The following RETREG1 variants were observed in gnomAD, a reference collection of about 807,000 sequenced individuals.
RETREG1 encodes the protein family with sequence similarity 134 member B.
RETREG1 carries 44 observed loss-of-function variants against 54.8 expected under a neutral mutation model. That is an observed-to-expected ratio of 0.80 (90% CI 0.63 to 1.03). The LOEUF is 1.03. RETREG1 is among the 50% of genes least tolerant of loss of function. The probability of loss-of-function intolerance (pLI) is 0.00; values close to 1 mark genes in which losing one functional copy is unlikely to be tolerated. For synonymous variants in RETREG1, 217 were observed against 238.5 expected, an observed-to-expected ratio of 0.91 and a Z score of 0.83; for missense variants, 554 against 605.1, an observed-to-expected ratio of 0.92 and a Z score of 0.89.
At chr5:16,596,511 C>T (rs142882927) in intron 1 of RETREG1, among the ~76,000 whole-genome samples, 300 of 152,336 alleles carry the variant, frequency 2.0e-3, no homozygotes, top group Middle Eastern at 3.4e-3. Context: ...GCAGTAGTGA[C>T]GCTCTCAACT....
At chr5:16,519,700 C>T (rs4613706) in intron 3 of RETREG1, among the ~76,000 whole-genome samples, 89,205 of 151,998 alleles carry the variant, frequency 0.59, 26,438 homozygotes, top group Non-Finnish European at 0.62. Flanking sequence ...GGAAGTATCA[C>T]TGTAGTCACC....
chr5:16,547,859 A>G (rs966189414), intron 3 of RETREG1, among the ~76,000 whole-genome samples: 1 of 152,206 alleles, frequency 6.6e-6, no homozygotes, highest in African/African-American at 2.4e-5. Context: ...TATTGAGTAC[A>G]TTCTTTGAAA....
chr5:16,511,962 A>G (rs1410245836), intron 3 of RETREG1, among the ~76,000 whole-genome samples: 2 of 152,196 alleles, frequency 1.3e-5, no homozygotes, highest in East Asian at 3.9e-4. Context: ...TATGAGATTT[A>G]GTGGGGACAC....
At chr5:16,557,247 A>C (rs1178749601) in intron 3 of RETREG1, among the ~76,000 whole-genome samples, 1 of 152,128 alleles carries the variant, frequency 6.6e-6, no homozygotes, top group African/African-American at 2.4e-5. Context: ...AGTTAGATGG[A>C]CTCTTGAGAG....
chr5:16,530,624 G>C (rs1280146598), intron 3 of RETREG1, among the ~76,000 whole-genome samples: 1 of 152,174 alleles, frequency 6.6e-6, no homozygotes, highest in Non-Finnish European at 1.5e-5. Flanking sequence ...TGTAATCCCA[G>C]CACTTTGGGA....
intron 2 of RETREG1, among the ~76,000 whole-genome samples, chr5:16,568,018 A>G (rs1742065850): frequency 6.6e-6 from 1 of 152,124 alleles, no homozygotes; most frequent in South Asian, 2.1e-4. Flanking sequence ...GACTGGTTCT[A>G]TCTCAATGAG....
Position 16,475,003 on chromosome 5 carries a change from T to C in RETREG1, c.1232A>G (p.Asn411Ser). 3 of 1,613,608 alleles carry C rather than the reference T, an allele frequency of 1.9e-6. No homozygotes were observed. Among genetic ancestry groups the C allele is most frequent in the Admixed American group, 1.7e-5 (1 of 59,924 alleles). Residue 411 changes from asparagine (N) to serine (S), a missense_variant, in exon 9 of 9, where the codon AAC becomes AGC. By Grantham distance (46) the Asn-to-Ser change is conservative (BLOSUM62 1). Around this residue, in one of 4 missense-constraint regions of RETREG1, gnomAD observed 347 missense variants for 412.3 expected, o/e 0.84. Coordinates refer to ENST00000306320, the MANE Select transcript of RETREG1 (RefSeq NM_001034850.3). ...AGCTGTGATAACATCCCCAGCCAGG[T>C]TGCTCATCAGGTGAAAGGTTTGGTC... ...NSDQTFHLMS[N>S]LAGDVITAAV...
At chr5:16,514,778 T>C (rs62369682) in intron 3 of RETREG1, among the ~76,000 whole-genome samples, 15,221 of 151,798 alleles carry the variant, frequency 0.1, 863 homozygotes, top group Non-Finnish European at 0.11. Flanking sequence ...TGAGAACATA[T>C]GATGTTTAGT....
chr5:16,501,995 T>C (rs930452609), intron 3 of RETREG1, among the ~76,000 whole-genome samples: 2 of 151,222 alleles, frequency 1.3e-5, no homozygotes, highest in Non-Finnish European at 2.9e-5. Flanking sequence ...CTCACTCTGT[T>C]GCCCAGGCTG....
At chr5:16,494,811 G>A (rs1739390998) in intron 3 of RETREG1, among the ~76,000 whole-genome samples, 1 of 152,202 alleles carries the variant, frequency 6.6e-6, no homozygotes, top group African/African-American at 2.4e-5. Flanking sequence ...AAATAAAAAT[G>A]TGGAAGCAGC....
intron 3 of RETREG1, among the ~76,000 whole-genome samples, chr5:16,497,240 C>G (rs924287011): frequency 7.2e-5 from 11 of 152,114 alleles, no homozygotes; most frequent in African/African-American, 2.7e-4. Flanking sequence ...TAAGAAGAGG[C>G]GACCAGGATC....
intron 3 of RETREG1, among the ~76,000 whole-genome samples, chr5:16,526,249 C>A (rs976525697): frequency 1.3e-5 from 2 of 152,190 alleles, no homozygotes; most frequent in Non-Finnish European, 2.9e-5. Context: ...CAGTCTTGAT[C>A]CACAGGCATG....
At chr5:16,503,675 A>AAAAG (rs1236711947) in intron 3 of RETREG1, among the ~76,000 whole-genome samples, 5 of 144,014 alleles carry the variant, frequency 3.5e-5, no homozygotes, top group East Asian at 4.0e-4. Context: ...AAAAAAAAAA[A>AAAAG]AAAGAAAGAA....
At chr5:16,565,498 C>T (rs921544858) in intron 3 of RETREG1, among the ~76,000 whole-genome samples, 1 of 152,198 alleles carries the variant, frequency 6.6e-6, no homozygotes, top group Non-Finnish European at 1.5e-5. Context: ...CCTCCCTCCC[C>T]TCCCTTCCAA....
intron 1 of RETREG1, among the ~76,000 whole-genome samples, chr5:16,604,999 A>G (rs1456522646): frequency 6.6e-6 from 1 of 152,184 alleles, no homozygotes; most frequent in Non-Finnish European, 1.5e-5. Flanking sequence ...AACTAGTACT[A>G]CTCCATTATA....
intron 1 of RETREG1, among the ~76,000 whole-genome samples, chr5:16,581,722 G>A (rs1486135845): frequency 6.9e-6 from 1 of 145,942 alleles, no homozygotes; most frequent in Non-Finnish European, 1.5e-5. Flanking sequence ...ATAGATTGAT[G>A]GCCTTTTTAT....
At chr5:16,609,215 A>G (rs1433573333) in intron 1 of RETREG1, among the ~76,000 whole-genome samples, 1 of 152,160 alleles carries the variant, frequency 6.6e-6, no homozygotes, top group Non-Finnish European at 1.5e-5. Flanking sequence ...TTTGGTGTTC[A>G]GTTAACTTTT....
chr5:16,519,531 G>T (rs958054435), intron 3 of RETREG1, among the ~76,000 whole-genome samples: 10 of 152,146 alleles, frequency 6.6e-5, no homozygotes, highest in Non-Finnish European at 1.3e-4. Context: ...ACTTAACCCA[G>T]TTACCCTTTT....
At chr5:16,568,314 G>A (rs1294498721) in intron 2 of RETREG1, among the ~76,000 whole-genome samples, 1 of 148,984 alleles carries the variant, frequency 6.7e-6, no homozygotes, top group Non-Finnish European at 1.5e-5. Context: ...CTCTGTCACC[G>A]AGGCTGGAGT....
Sources: allele counts gnomAD v4.1 joint callset (sites outside exome capture counted in the v4.1 genomes callset), GRCh38; gene constraint gnomAD v4.1.1; regional missense constraint gnomAD v4.1.1; transcripts MANE v1.5; gene names NCBI Gene and HGNC (gene_info 2026-07-23, HGNC 2026-07-21).